Variants in MAP7 observed in about 807,000 individuals in gnomAD.
MAP7 encodes microtubule associated protein 7, also known as ensconsin.
A neutral mutation model predicts 94.8 loss-of-function variants in MAP7; 52 were observed. That is an observed-to-expected ratio of 0.55 (90% CI 0.44 to 0.69). The LOEUF is 0.69. MAP7 is among the 30% of genes least tolerant of loss of function. The pLI is 0.00. For synonymous variants in MAP7, 350 were observed against 357.0 expected (o/e 0.98, Z 0.22); for missense variants, 940 against 964.6 (o/e 0.97, Z 0.34).
intron 1 of MAP7, among the ~76,000 whole-genome samples, chr6:136,456,828 A>AGAAGAAG (rs1562422453): frequency 2.4e-5 from 3 of 123,642 alleles, no homozygotes; most frequent in South Asian, 2.8e-4. Context: ...AGAAGGAAGA[A>AGAAGAAG]GAAGAAGAAG....
At chr6:136,416,342 A>G (rs1229386558) in intron 2 of MAP7, among the ~76,000 whole-genome samples, 1 of 152,196 alleles carries the variant, frequency 6.6e-6, no homozygotes, top group Admixed American at 6.5e-5. Flanking sequence ...TTTAGTTTTA[A>G]TAACTAAAAA....
Position 136,434,935 on chromosome 6 carries a change from G to A in MAP7, c.68-13136C>T, listed in dbSNP as rs1255937406. 2.6e-5 allele frequency among the ~76,000 whole-genome samples: 4 copies of A among 152,166 alleles called. 1 individual carries two copies. The highest frequency in any genetic ancestry group is 2.0e-4 in the Admixed American group (3 of 15,278). ...CTGCAATTTACATGCTTGCTGTCCA[G>A]TAAGTATTTTCATTTAAAGTATGCT... On this transcript the variant is annotated intron_variant, in intron 1 of 17. Coordinates refer to ENST00000354570, the MANE Select transcript of MAP7 (RefSeq NM_003980.6).
chr6:136,384,543 G>C (rs1778664845), intron 5 of MAP7, among the ~76,000 whole-genome samples: 1 of 151,746 alleles, frequency 6.6e-6, no homozygotes, highest in Non-Finnish European at 1.5e-5. Flanking sequence ...GGCCAGGCTG[G>C]CATGATCATA....
At chr6:136,359,151 T>C (rs1791809132) in intron 15 of MAP7, among the ~76,000 whole-genome samples, 3 of 151,998 alleles carry the variant, frequency 2.0e-5, no homozygotes, top group East Asian at 2.0e-4. Context: ...ATTTGACTTA[T>C]AATCTCCAAA....
intron 1 of MAP7, chr6:136,526,016 A>G (rs1024102597): frequency 1.4e-6 from 2 of 1,473,372 alleles, no homozygotes; most frequent in African/African-American, 2.9e-5. Flanking sequence ...TTAAAAATAT[A>G]TGCTTATGTA....
intron 11 of MAP7, among the ~76,000 whole-genome samples, chr6:136,361,651 A>C (rs920004165): frequency 1.3e-5 from 2 of 152,240 alleles, no homozygotes; most frequent in Admixed American, 6.5e-5. Flanking sequence ...CAGCGAGTGC[A>C]TGAGATCCTT....
chr6:136,434,116 G>A lies in MAP7; in HGVS notation c.68-12317C>T, dbSNP rs146995008. On this transcript the variant is annotated intron_variant, in intron 1 of 17. Coordinates refer to ENST00000354570, the MANE Select transcript of MAP7 (RefSeq NM_003980.6). ...AGCTCAGGAGTTCGAGACCAGCCTG[G>A]CCAACATGGTGAAACCCCGTCTCTA... 2.1e-3 allele frequency among the ~76,000 whole-genome samples: 315 copies of A among 152,162 alleles called. 1 individual carries two copies. Among genetic ancestry groups the A allele is most frequent in the African/African-American group, 6.6e-3 (273 of 41,522 alleles).
chr6:136,439,681 C>G (rs1007432023), intron 1 of MAP7, among the ~76,000 whole-genome samples: 1 of 152,154 alleles, frequency 6.6e-6, no homozygotes, highest in African/African-American at 2.4e-5. Context: ...TTTCCCACTT[C>G]ATCACTTTAT....
chr6:136,527,081 C>G (rs892663012), intron 1 of MAP7, among the ~76,000 whole-genome samples: 3 of 152,048 alleles, frequency 2.0e-5, no homozygotes, highest in Non-Finnish European at 4.4e-5. Context: ...ACCCAGCACA[C>G]CCCCCACCCT....
intron 8 of MAP7, among the ~76,000 whole-genome samples, 191 bp from the exon 9 acceptor site, chr6:136,366,630 C>T (rs1429498084): frequency 2.6e-5 from 4 of 152,110 alleles, no homozygotes; most frequent in Admixed American, 6.5e-5. Context: ...TGAATTAACA[C>T]AATGTGACAC....
chr6:136,457,830 C>T (rs1385412544), intron 1 of MAP7, among the ~76,000 whole-genome samples: 2 of 151,998 alleles, frequency 1.3e-5, no homozygotes, highest in Non-Finnish European at 2.9e-5. Flanking sequence ...ATATATGAAA[C>T]CTCACAGCTG....
intron 1 of MAP7, among the ~76,000 whole-genome samples, chr6:136,534,151 C>T (rs970986999): frequency 2.0e-5 from 3 of 152,082 alleles, no homozygotes; most frequent in Non-Finnish European, 4.4e-5. Flanking sequence ...CGAAATAGAA[C>T]CAATAGTATT....
intron 1 of MAP7, among the ~76,000 whole-genome samples, chr6:136,437,878 G>A (rs1210536304): frequency 1.3e-5 from 2 of 152,152 alleles, no homozygotes; most frequent in African/African-American, 2.4e-5. Context: ...ATAAATCTTA[G>A]TAATTGGTTT....
chr6:136,523,302 C>T (rs185693573), intron 1 of MAP7, among the ~76,000 whole-genome samples: 71 of 152,236 alleles, frequency 4.7e-4, no homozygotes, highest in African/African-American at 1.5e-3. Flanking sequence ...GCAGTAAGGA[C>T]GAACGAACCA....
At chr6:136,466,437 C>CA (rs1271792377) in intron 1 of MAP7, among the ~76,000 whole-genome samples, 1 of 150,438 alleles carries the variant, frequency 6.6e-6, no homozygotes, top group Non-Finnish European at 1.5e-5. Flanking sequence ...TTGTTTTTGT[C>CA]AAAAAAAGAA....
At chr6:136,499,918 C>G (rs372490880) in intron 1 of MAP7, among the ~76,000 whole-genome samples, 1 of 152,044 alleles carries the variant, frequency 6.6e-6, no homozygotes, top group African/African-American at 2.4e-5. Context: ...ACTGCTTGAG[C>G]CTGGGAGGTC....
intron 1 of MAP7, among the ~76,000 whole-genome samples, chr6:136,430,460 C>T (rs1794575101): frequency 6.6e-6 from 1 of 152,152 alleles, no homozygotes; most frequent in Non-Finnish European, 1.5e-5. Flanking sequence ...AATAAATTTG[C>T]ATGTAATTTT....
intron 1 of MAP7, among the ~76,000 whole-genome samples, chr6:136,446,586 C>G (rs1395829112): frequency 6.6e-6 from 1 of 152,220 alleles, no homozygotes; most frequent in Non-Finnish European, 1.5e-5. Flanking sequence ...AAAGCCCCAA[C>G]CCTCTAATCC....
chr6:136,492,057 A>T (rs539521301), intron 1 of MAP7, among the ~76,000 whole-genome samples: 1 of 152,222 alleles, frequency 6.6e-6, no homozygotes, highest in African/African-American at 2.4e-5. Context: ...ATGTAAACAA[A>T]TAGCTATAAT....
Sources: gnomAD v4.1 joint callset for allele counts (sites outside exome capture counted in the v4.1 genomes callset) on GRCh38, gnomAD v4.1.1 for gene constraint, MANE v1.5 for transcripts, NCBI Gene and HGNC (gene_info 2026-07-23, HGNC 2026-07-21) for gene names.